Variants in PFKFB3 observed in about 807,000 individuals in gnomAD.
PFKFB3 encodes 6-phosphofructo-2-kinase/fructose-2,6-bisphosphatase 3.
Under a neutral mutation model 68.0 loss-of-function variants are expected in PFKFB3, and 33 were observed. That is an observed-to-expected ratio of 0.49 (90% CI 0.37 to 0.65). The LOEUF (loss-of-function observed/expected upper bound fraction) is 0.65. PFKFB3 is among the 30% of genes least tolerant of loss of function. The pLI is 0.00. For synonymous variants in PFKFB3, 315 were observed against 288.2 expected, an observed-to-expected ratio of 1.09 and a Z score of -0.94; for missense variants, 586 against 712.2, an observed-to-expected ratio of 0.82 and a Z score of 2.02.
Position 6,221,395 on chromosome 10 carries a change from G to C in PFKFB3, c.846G>C (p.Leu282=). 6.2e-7 allele frequency: 1 copy of C among 1,613,910 alleles called. No individual in the cohort carries two copies. Among genetic ancestry groups the C allele is most frequent in the Non-Finnish European group, 8.5e-7 (1 of 1,180,010 alleles). The change falls in exon 9 of 15, where the codon CTG becomes CTC. Residue 282 remains leucine, a synonymous_variant. Coordinates refer to ENST00000379775, the MANE Select transcript of PFKFB3 (RefSeq NM_004566.4). ...SSRGKKFASA[L]SKFVEEQNLK... ...CCACCTCTCAGTTTGCCAGTGCTCT[G>C]AGCAAGTTCGTGGAGGAGCAGAACC...
the PFKFB3 span, among the ~76,000 whole-genome samples, chr10:6,322,661 T>C: frequency 0.045 from 6,837 of 152,292 alleles, 529 homozygotes; most frequent in African/African-American, 0.16. Flanking sequence ...GATCTTAGAA[T>C]ATGTTGAACT....
intron 1 of PFKFB3, among the ~76,000 whole-genome samples, chr10:6,188,981 C>G (rs1376853869): frequency 6.6e-6 from 1 of 151,742 alleles, no homozygotes; most frequent in Non-Finnish European, 1.5e-5. Flanking sequence ...ACTACAGGCG[C>G]CCGCCACCTT....
chr10:6,214,578 T>A (rs112355807), intron 2 of PFKFB3, among the ~76,000 whole-genome samples: 4,259 of 152,188 alleles, frequency 0.028, 200 homozygotes, highest in African/African-American at 0.096. Flanking sequence ...GTTACCTGAG[T>A]ATATTGCATA....
At position 6,210,346 on chromosome 10, in the gene PFKFB3, G is replaced by GTTT. The variant is rs1225843582; in HGVS notation, c.77-3270_77-3268dup. ...GGCGCCCCTCTCTTTGTTTTTTTTT[G>GTTT]TTTTTTTTTGTTTTTTTGTTTTTTT... is the stretch of plus-strand genomic sequence containing the variant. On this transcript the variant is annotated intron_variant, in intron 1 of 14. Transcript: ENST00000379775. Among the ~76,000 whole-genome samples the GTTT allele has an allele frequency of 1.2e-3, 38 of 32,792 alleles. 3 individuals carry two copies. The highest frequency in any genetic ancestry group is 4.9e-3 in the South Asian group (2 of 412). 21.5% of individuals were successfully genotyped at this position (32,792 alleles called of 152,430 possible). A position where few individuals can be genotyped will look rare whatever the true frequency, so the allele number is the denominator to read the frequency against.
downstream of PFKFB3, among the ~76,000 whole-genome samples, chr10:6,236,618 C>A (rs538910650): frequency 1.3e-5 from 2 of 152,214 alleles, no homozygotes; most frequent in East Asian, 1.9e-4. Context: ...TTCTGGGGAA[C>A]CTGAGGCCAC....
chr10:6,203,440 G>C (rs898348667), intron 1 of PFKFB3, 104 bp downstream of exon 1: 4 of 666,358 alleles, frequency 6.0e-6, no homozygotes, highest in Non-Finnish European at 8.3e-6. Flanking sequence ...GGGCGCGCCC[G>C]TGCGGGTCGC....
At chr10:6,246,374 T>C (rs1846260704) in intron 14 of PFKFB3, among the ~76,000 whole-genome samples, 1 of 151,200 alleles carries the variant, frequency 6.6e-6, no homozygotes, top group Admixed American at 6.6e-5. Context: ...AATCTCACTC[T>C]GTTTCCCAGG....
chr10:6,221,497 G>C lies in PFKFB3; in HGVS notation c.948G>C (p.Glu316Asp). Residue 316 changes from glutamate to aspartate, a missense_variant, in exon 9 of 15, where the codon GAG (glutamate) becomes GAC (aspartate). Transcript: ENST00000379775. ...QTAEALRLPY[E>D]QWKALNEIDA... ...CCGAGGCGCTGCGGCTGCCCTACGA[G>C]CAGTGGAAGGCGCTCAATGAGATCG... The C allele has an allele frequency of 6.2e-7, 1 of 1,613,438 alleles. No individual in the cohort carries two copies. Among genetic ancestry groups the C allele is most frequent in the Non-Finnish European group, 8.5e-7 (1 of 1,180,006 alleles).
chr10:6,206,378 G>A lies in PFKFB3; in HGVS notation c.76+3042G>A, dbSNP rs573674579. Among the ~76,000 whole-genome samples the A allele has an allele frequency of 6.6e-3, 878 of 133,872 alleles. 45 individuals are homozygous for A. The highest frequency in any genetic ancestry group is 0.024 in the African/African-American group (810 of 33,922). 87.8% of individuals were successfully genotyped at this position (133,872 alleles called of 152,430 possible). A position where few individuals can be genotyped will look rare whatever the true frequency, so the allele number is the denominator to read the frequency against. ...TTCTACACAGACACAGCAACCATCC[G>A]ATTTCTCAATCTTTCCCCGCCCCTT... is the stretch of plus-strand genomic sequence containing the variant. On this transcript the variant is annotated intron_variant, in intron 1 of 14. Coordinates refer to ENST00000379775, the MANE Select transcript of PFKFB3 (RefSeq NM_004566.4).
the PFKFB3 span, among the ~76,000 whole-genome samples, chr10:6,269,903 G>A: frequency 6.6e-6 from 1 of 152,140 alleles, no homozygotes; most frequent in African/African-American, 2.4e-5. Flanking sequence ...GGCTGAGGCA[G>A]GTGGCTCACC....
the PFKFB3 span, among the ~76,000 whole-genome samples, chr10:6,318,791 A>C: frequency 6.6e-6 from 1 of 152,092 alleles, no homozygotes; most frequent in African/African-American, 2.4e-5. Flanking sequence ...GGGGTGGTGA[A>C]CTCTGGCCAC....
intron 11 of PFKFB3, 101 bp from the exon 12 acceptor site, chr10:6,223,857 T>C (rs990888728): frequency 1.5e-5 from 15 of 968,228 alleles, no homozygotes; most frequent in East Asian, 7.2e-5. Context: ...CCTCAGGTGA[T>C]CCACCTGCCT....
At chr10:6,146,625 T>G in intron 1 of PFKFB3, 2 of 969,754 alleles carry the variant, frequency 2.1e-6, no homozygotes, top group Non-Finnish European at 3.0e-6. Flanking sequence ...CTTTTGTCGA[T>G]GTAGGCTCTG....
intron 1 of PFKFB3, among the ~76,000 whole-genome samples, chr10:6,207,170 C>T (rs543491588): frequency 2.0e-5 from 3 of 152,274 alleles, no homozygotes; most frequent in Admixed American, 1.3e-4. Flanking sequence ...GTGAACGAGA[C>T]TCCGTCTGCA....
At chr10:6,216,913 C>A in intron 5 of PFKFB3, 133 bp downstream of exon 5, 1 of 808,966 alleles carries the variant, frequency 1.2e-6, no homozygotes, top group Non-Finnish European at 2.1e-6. Flanking sequence ...CCCTCCCCTC[C>A]TGCTGCCCAC....
chr10:6,215,184 G>C lies in PFKFB3; in HGVS notation c.203-37G>C, dbSNP rs769695703. 1.3e-6 allele frequency: 2 copies of C among 1,581,602 alleles called. No individual in the cohort carries two copies. Among genetic ancestry groups the C allele is most frequent in the East Asian group, 4.5e-5 (2 of 44,736 alleles). ...CGGTGTGAGCTGGCCCCTTCCTCCT[G>C]CTCGATCATCCAGACTGTTCTCTTT... On this transcript the variant is annotated intron_variant, in intron 2 of 14. Transcript: ENST00000379775. The surrounding 1 kb of genome is among the most constrained non-coding windows in gnomAD (Gnocchi z 4.3).
chr10:6,177,384 CT>C (rs1297789274), intron 1 of PFKFB3, among the ~76,000 whole-genome samples: 203 of 111,436 alleles, frequency 1.8e-3, no homozygotes, highest in Non-Finnish European at 3.1e-3. Context: ...TTCTTTCTTT[CT>C]TTCTTTCTTT....
chr10:6,203,968 G>T (rs1056230892), intron 1 of PFKFB3, among the ~76,000 whole-genome samples: 3 of 152,182 alleles, frequency 2.0e-5, no homozygotes, highest in Admixed American at 1.3e-4. Flanking sequence ...TGCTGGGGGC[G>T]CCAGGAGAGC....
rs60638987 is a variant in PFKFB3, at chr10:6,192,139, TACACACACAC to T, written c.17-21448_17-21439del. 7.2e-3 allele frequency among the ~76,000 whole-genome samples: 861 copies of T among 119,138 alleles called. 9 individuals carry two copies. Among genetic ancestry groups the T allele is most frequent in the East Asian group, 0.032 (125 of 3,920 alleles). The allele number at this position is 119,138 out of a possible 152,430, so 78.2% of individuals were successfully genotyped here. ...CAGCAGAGTCAATGACATTCCCCAA[TACACACACAC>T]ACACACACACACACACACACACACA... On this transcript the variant is annotated intron_variant, in intron 1 of 14. Transcript: ENST00000379789.
Sources: gnomAD v4.1 joint callset for allele counts (sites outside exome capture counted in the v4.1 genomes callset) on GRCh38, gnomAD v4.1.1 for gene constraint, Gnocchi (gnomAD v3.1) non-coding constraint, MANE v1.5 for transcripts, NCBI Gene and HGNC (gene_info 2026-07-23, HGNC 2026-07-21) for gene names.